Variants in LUZP2 observed in about 807,000 individuals in gnomAD.
LUZP2 encodes leucine zipper protein 2.
LUZP2 carries 52 observed loss-of-function variants against 51.6 expected under a neutral mutation model. The observed-to-expected ratio is 1.01, with a 90% CI of 0.81 to 1.27. LUZP2 has a LOEUF of 1.27. LUZP2 is among the 50% of genes most tolerant of loss of function. The pLI, the probability that LUZP2 is intolerant of heterozygous loss-of-function variation, is 0.00. For synonymous variants in LUZP2, 154 were observed against 137.3 expected, an observed-to-expected ratio of 1.12 and a Z score of -0.85; for missense variants, 436 against 395.4, an observed-to-expected ratio of 1.10 and a Z score of -0.87.
chr11:24,618,874 T>A (rs1156790914), intron 1 of LUZP2, among the ~76,000 whole-genome samples: 2 of 152,152 alleles, frequency 1.3e-5, no homozygotes, highest in Non-Finnish European at 2.9e-5. Flanking sequence ...ATCCTTGGGT[T>A]ATTTATGCAA....
At position 24,812,958 on chromosome 11, in the gene LUZP2, G is replaced by A. The variant is rs370964762; in HGVS notation, c.396+49650G>A. 5.3e-5 allele frequency among the ~76,000 whole-genome samples: 8 copies of A among 152,246 alleles called. No individual in the cohort carries two copies. The East Asian group carries it at 5.8e-4, about 11-fold the overall frequency. On this transcript the variant is annotated intron_variant, in intron 5 of 11. Transcript: ENST00000336930. ...TTTCATTTTTGCCCTGGTTTGTGGT[G>A]CACTTAATACCATGCCACTCATGCC...
intron 1 of LUZP2, among the ~76,000 whole-genome samples, chr11:24,715,305 G>GTGTGCA: frequency 1.5e-5 from 1 of 67,388 alleles, no homozygotes; most frequent in South Asian, 4.0e-4. Flanking sequence ...GTGTGTGTGT[G>GTGTGCA]TGCATGCGTA....
chr11:24,950,182 G>A (rs2133862252), intron 7 of LUZP2, among the ~76,000 whole-genome samples: 1 of 151,370 alleles, frequency 6.6e-6, no homozygotes, highest in Non-Finnish European at 1.5e-5. Context: ...ATGATGAATG[G>A]ATGGGTTGAC....
intron 5 of LUZP2, among the ~76,000 whole-genome samples, chr11:24,853,118 AT>A (rs1171517399): frequency 6.6e-6 from 1 of 152,164 alleles, no homozygotes; most frequent in East Asian, 1.9e-4. Context: ...TGTCATTATG[AT>A]GCTAGCTGAT....
At chr11:24,576,221 G>A (rs1046532330) in intron 1 of LUZP2, among the ~76,000 whole-genome samples, 2 of 151,542 alleles carry the variant, frequency 1.3e-5, no homozygotes, top group Non-Finnish European at 2.9e-5. Flanking sequence ...GAGCAGCCTG[G>A]CCAACATGGT....
At chr11:24,716,622 G>T (rs1243283219) in intron 1 of LUZP2, among the ~76,000 whole-genome samples, 2 of 152,008 alleles carry the variant, frequency 1.3e-5, no homozygotes, top group Non-Finnish European at 2.9e-5. Flanking sequence ...AGAAGCTGGG[G>T]GCGGTGGCTC....
At chr11:24,854,407 C>T (rs940238128) in intron 5 of LUZP2, among the ~76,000 whole-genome samples, 1 of 152,224 alleles carries the variant, frequency 6.6e-6, no homozygotes, top group Non-Finnish European at 1.5e-5. Context: ...TTCCCAGCAG[C>T]TTTGTTTACA....
At chr11:24,769,786 C>CTTTCTTTT (rs1554988303) in intron 5 of LUZP2, among the ~76,000 whole-genome samples, 3 of 146,956 alleles carry the variant, frequency 2.0e-5, no homozygotes, top group African/African-American at 8.0e-5. Context: ...ACTAAATTCT[C>CTTTCTTTT]TTTTTTGTTT....
chr11:24,882,067 C>T (rs1441079644), intron 5 of LUZP2, among the ~76,000 whole-genome samples: 1 of 151,812 alleles, frequency 6.6e-6, no homozygotes, highest in East Asian at 1.9e-4. Context: ...GGTATCAGGT[C>T]GCTTCATGTA....
At chr11:25,072,043 A>G (rs1859173918) in intron 10 of LUZP2, among the ~76,000 whole-genome samples, 1 of 152,090 alleles carries the variant, frequency 6.6e-6, no homozygotes, top group Non-Finnish European at 1.5e-5. Flanking sequence ...TGTGATGGAT[A>G]TTAATATCCT....
At chr11:24,602,364 G>T (rs867957647) in intron 1 of LUZP2, among the ~76,000 whole-genome samples, 13 of 56,504 alleles carry the variant, frequency 2.3e-4, no homozygotes, top group African/African-American at 6.4e-4. Flanking sequence ...CTCTTTTAAA[G>T]TGTGTGTGTG....
chr11:25,015,143 G>T (rs375454164), intron 9 of LUZP2, among the ~76,000 whole-genome samples: 1 of 151,964 alleles, frequency 6.6e-6, no homozygotes, highest in African/African-American at 2.4e-5. Flanking sequence ...GAGTAGTTGC[G>T]ATTTATTTAG....
intron 1 of LUZP2, among the ~76,000 whole-genome samples, chr11:24,581,491 C>T (rs1852852204): frequency 2.0e-5 from 3 of 151,502 alleles, no homozygotes; most frequent in Admixed American, 1.3e-4. Context: ...TCCAACATGG[C>T]GAAATCCCAT....
At chr11:24,807,942 C>G (rs1016096914) in intron 5 of LUZP2, among the ~76,000 whole-genome samples, 6 of 152,010 alleles carry the variant, frequency 3.9e-5, no homozygotes, top group African/African-American at 1.4e-4. Context: ...AAATTAAAAG[C>G]GTCACTATCA....
At chr11:24,636,115 G>A (rs1855098318) in intron 1 of LUZP2, among the ~76,000 whole-genome samples, 1 of 152,108 alleles carries the variant, frequency 6.6e-6, no homozygotes, top group Admixed American at 6.6e-5. Flanking sequence ...CTGGGAACCA[G>A]GAAGATTTTT....
chr11:24,967,623 A>T (rs996974120), intron 7 of LUZP2, among the ~76,000 whole-genome samples: 1 of 151,726 alleles, frequency 6.6e-6, no homozygotes, highest in African/African-American at 2.4e-5. Flanking sequence ...TATTAGTATC[A>T]CGTCATATCT....
chr11:24,672,535 C>A (rs1402347647), intron 1 of LUZP2, among the ~76,000 whole-genome samples: 1 of 152,136 alleles, frequency 6.6e-6, no homozygotes, highest in East Asian at 1.9e-4. Flanking sequence ...GAAGCGCATT[C>A]TCCAAGATTC....
chr11:24,773,462 G>A (rs1848811093), intron 5 of LUZP2, among the ~76,000 whole-genome samples: 1 of 152,158 alleles, frequency 6.6e-6, no homozygotes, highest in Non-Finnish European at 1.5e-5. Context: ...GAGAGGTGTG[G>A]AACATAGCCC....
chr11:24,827,377 G>T (rs571301420), intron 5 of LUZP2, among the ~76,000 whole-genome samples: 6 of 152,220 alleles, frequency 3.9e-5, no homozygotes, highest in African/African-American at 1.4e-4. Context: ...AGATCACTAA[G>T]AAATCTTAAG....
Sources: gnomAD v4.1 joint callset for allele counts (sites outside exome capture counted in the v4.1 genomes callset) on GRCh38, gnomAD v4.1.1 for gene constraint, MANE v1.5 for transcripts, NCBI Gene and HGNC (gene_info 2026-07-23, HGNC 2026-07-21) for gene names.